The following ABCA13 variants were observed in gnomAD, a reference collection of about 807,000 sequenced individuals.
ABCA13 encodes the protein ATP-binding cassette sub-family A member 13.
A neutral mutation model predicts 478.7 loss-of-function variants in ABCA13; 476 were observed. That is an observed-to-expected ratio of 0.99 (90% CI 0.92 to 1.07). The LOEUF is 1.07. Among genes scored for constraint, ABCA13 ranks in the 50% least tolerant of loss-of-function variants. The probability of loss-of-function intolerance (pLI) is 0.00; values close to 1 mark genes in which losing one functional copy is unlikely to be tolerated. For missense variants in ABCA13, 6,060 were observed against 5,910.6 expected (o/e 1.03, Z -0.83); for synonymous variants, 2,252 against 2,158.9 (o/e 1.04, Z -1.20).
intron 19 of ABCA13, among the ~76,000 whole-genome samples, chr7:48,284,685 G>A (rs530717670): frequency 9.2e-5 from 14 of 152,164 alleles, no homozygotes; most frequent in African/African-American, 3.4e-4. Flanking sequence ...AATTAATATA[G>A]CATACTTGAG....
chr7:48,265,019 C>A (rs977428971), intron 15 of ABCA13, among the ~76,000 whole-genome samples: 3 of 151,628 alleles, frequency 2.0e-5, no homozygotes, highest in African/African-American at 7.2e-5. Flanking sequence ...GACCTAATTA[C>A]TCCAGCAAAA....
intron 59 of ABCA13, among the ~76,000 whole-genome samples, chr7:48,628,998 A>T (rs1454906312): frequency 6.6e-6 from 1 of 152,220 alleles, no homozygotes; most frequent in Non-Finnish European, 1.5e-5. Flanking sequence ...CTCTGATGCC[A>T]TTTATCTTTA....
intron 42 of ABCA13, among the ~76,000 whole-genome samples, chr7:48,437,232 T>G (rs1234842328): frequency 6.6e-6 from 1 of 152,060 alleles, no homozygotes; most frequent in African/African-American, 2.4e-5. Context: ...TTGGTACGTC[T>G]TCTTAGTGAA....
chr7:48,215,768 C>T (rs190505915), intron 3 of ABCA13, among the ~76,000 whole-genome samples: 5 of 152,294 alleles, frequency 3.3e-5, no homozygotes, highest in Non-Finnish European at 5.9e-5. Flanking sequence ...CAATCTCCCC[C>T]ACGCCTAACC....
At chr7:48,633,741 T>C (rs946778326) in intron 59 of ABCA13, among the ~76,000 whole-genome samples, 1 of 150,846 alleles carries the variant, frequency 6.6e-6, no homozygotes, top group African/African-American at 2.4e-5. Flanking sequence ...ATACAAAAAT[T>C]AGCTAGGTGT....
chr7:48,375,942 G>A (rs186089445), intron 34 of ABCA13, among the ~76,000 whole-genome samples: 2 of 152,184 alleles, frequency 1.3e-5, no homozygotes, highest in African/African-American at 4.8e-5. Flanking sequence ...AATTTAGAAA[G>A]GGGAATATTT....
chr7:48,271,048 C>G (rs528221196), intron 16 of ABCA13, among the ~76,000 whole-genome samples: 10 of 152,320 alleles, frequency 6.6e-5, no homozygotes, highest in African/African-American at 2.2e-4. Flanking sequence ...CCAGCCCTCA[C>G]TGAGATGCAT....
intron 55 of ABCA13, among the ~76,000 whole-genome samples, chr7:48,569,152 T>C (rs1282634038): frequency 6.6e-6 from 1 of 152,070 alleles, no homozygotes; most frequent in Non-Finnish European, 1.5e-5. Context: ...TATTCTGTTT[T>C]CTTTAGGTTT....
At position 48,322,161 on chromosome 7, in the gene ABCA13, T is replaced by C. The variant is rs912929699; in HGVS notation, c.9999+4865T>C. Among the ~76,000 whole-genome samples, 40 of 152,216 alleles carry C rather than the reference T, an allele frequency of 2.6e-4. 1 individual carries two copies. The highest frequency in any genetic ancestry group is 8.7e-4 in the African/African-American group (36 of 41,476). ...ATTTGGCTTTGTAGCATCATCTGTC[T>C]GTATGCATAACATCAATCAGGAAAC... is the stretch of plus-strand genomic sequence containing the variant. On this transcript the variant is annotated intron_variant, in intron 27 of 61. Coordinates refer to ENST00000435803, the MANE Select transcript of ABCA13 (RefSeq NM_152701.5).
chr7:48,487,414 G>A (rs11772033), intron 47 of ABCA13, among the ~76,000 whole-genome samples: 24,797 of 151,484 alleles, frequency 0.16, 2,242 homozygotes, highest in East Asian at 0.29. Flanking sequence ...GCAGCCTCCT[G>A]TCTTTCCAGC....
chr7:48,598,748 G>A (rs2131465070), intron 58 of ABCA13, among the ~76,000 whole-genome samples: 1 of 151,974 alleles, frequency 6.6e-6, no homozygotes, highest in South Asian at 2.1e-4. Flanking sequence ...TCTCATCTAA[G>A]AACTATTTGT....
intron 3 of ABCA13, 87 bp from the exon 4 acceptor site, chr7:48,219,267 G>A (rs1388150964): frequency 1.4e-6 from 2 of 1,411,468 alleles, no homozygotes; most frequent in Non-Finnish European, 1.9e-6. Context: ...TTAATTGAAA[G>A]CAATTTGGTA....
chr7:48,219,296 G>A (rs1584260967), intron 3 of ABCA13, 58 bp from the exon 4 acceptor site: 1 of 1,529,870 alleles, frequency 6.5e-7, no homozygotes, highest in East Asian at 2.4e-5. Flanking sequence ...CTTAAAAAAT[G>A]CCAAGGAAAC....
intron 23 of ABCA13, among the ~76,000 whole-genome samples, chr7:48,308,035 A>G (rs572566821): frequency 3.3e-4 from 50 of 152,346 alleles, no homozygotes; most frequent in Admixed American, 2.9e-3. Context: ...TAACATTTAT[A>G]TTAAAACACA....
chr7:48,376,328 T>C, intron 34 of ABCA13, 113 bp from the exon 35 acceptor site: 1 of 1,332,274 alleles, frequency 7.5e-7, no homozygotes, highest in South Asian at 1.6e-5. Flanking sequence ...CTTCTTTTTG[T>C]TTTAGTTCTG....
intron 41 of ABCA13, among the ~76,000 whole-genome samples, chr7:48,423,661 T>A (rs987326237): frequency 6.6e-6 from 1 of 152,114 alleles, no homozygotes; most frequent in African/African-American, 2.4e-5. Flanking sequence ...AAATGAAGAA[T>A]CCCAAAACTT....
chr7:48,307,983 C>T (rs189919961), intron 23 of ABCA13, among the ~76,000 whole-genome samples: 185 of 152,116 alleles, frequency 1.2e-3, no homozygotes, highest in African/African-American at 4.2e-3. Context: ...TGCACCCTGC[C>T]GAACCTTTAA....
At chr7:48,445,876 G>A (rs1585356613) in intron 42 of ABCA13, among the ~76,000 whole-genome samples, 1 of 152,154 alleles carries the variant, frequency 6.6e-6, no homozygotes, top group South Asian at 2.1e-4. Context: ...TGAATGAGAA[G>A]GGACACCTGC....
Position 48,314,232 on chromosome 7 carries a change from G to A in ABCA13, c.9682G>A (p.Val3228Ile), listed in dbSNP as rs1439239189. 6.2e-7 allele frequency: 1 copy of A among 1,606,238 alleles called. No individual in the cohort carries two copies. The highest frequency in any genetic ancestry group is 8.5e-7 in the Non-Finnish European group (1 of 1,178,352). Residue 3228 changes from valine (V) to isoleucine (I), a missense_variant and splice_region_variant, in exon 26 of 62, where the codon GTT becomes ATT. By Grantham distance (29) the Val-to-Ile change is conservative (BLOSUM62 3). This residue lies in a region of ABCA13 where 4,423 missense variants were observed against 4,309.1 expected (regional missense o/e 1.03). Coordinates refer to ENST00000435803, the MANE Select transcript of ABCA13 (RefSeq NM_152701.5). ...ALLETLDFQQ[V>I]SQNVQARSSA... ...CAATTTAGTTTTCTTATTTTCTCAG[G>A]TTTCACAAAATGTCCAGGCCAGAAG...
Sources: allele counts gnomAD v4.1 joint callset (sites outside exome capture counted in the v4.1 genomes callset), GRCh38; gene constraint gnomAD v4.1.1; regional missense constraint gnomAD v4.1.1; transcripts MANE v1.5; gene names NCBI Gene and HGNC (gene_info 2026-07-23, HGNC 2026-07-21).